PRUNE2: variants seen among roughly 807,000 people sequenced by gnomAD.
The protein encoded by PRUNE2 is prune homolog 2 with BCH domain, also known as protein prune homolog 2.
Under a neutral mutation model 252.0 loss-of-function variants are expected in PRUNE2, and 164 were observed. The observed-to-expected ratio is 0.65, with a 90% CI of 0.57 to 0.74. PRUNE2 has a LOEUF of 0.74. Ranked by LOEUF, PRUNE2 falls within the 30% of genes least tolerant of loss-of-function variation. The pLI, the probability that PRUNE2 is intolerant of heterozygous loss-of-function variation, is 0.00. For missense variants in PRUNE2, 3,495 were observed against 3,711.0 expected, an observed-to-expected ratio of 0.94 and a Z score of 1.51; for synonymous variants, 1,292 against 1,350.2, an observed-to-expected ratio of 0.96 and a Z score of 0.94.
chr9:76,709,339 C>A lies in PRUNE2; in HGVS notation c.2935G>T (p.Ala979Ser). Residue 979 changes from alanine (A) to serine (S), a missense_variant, in exon 8 of 19, where the codon GCT becomes TCT. By Grantham distance (99) the Ala-to-Ser change is moderately conservative (BLOSUM62 1). Transcript: ENST00000376718. ...TSDSYTSPTF[A>S]GDEKETEHKP... The stretch of plus-strand genomic sequence containing the variant: ...TGTTCAGTTTCCTTTTCGTCTCCAG[C>A]AAATGTTGGTGATGTGTAAGAGTCT... 6 of 1,613,932 alleles carry A rather than the reference C, an allele frequency of 3.7e-6. No individual in the cohort carries two copies. Among genetic ancestry groups the A allele is most frequent in the South Asian group, 1.1e-5 (1 of 91,076 alleles).
rs781211705 is a variant in PRUNE2, at chr9:76,708,542, C to T, written c.3732G>A (p.Glu1244=). ...LPGSSHITDS[E]QRELPPEIPS... is the part of the protein sequence containing the mutation. ...GGATTTCAGGAGGCAATTCCCTTTG[C>T]TCTGAATCTGTGATATGTGAGGAGC... The change falls in exon 8 of 19, where the codon GAG becomes GAA. Residue 1244 remains glutamate, a synonymous_variant. Coordinates refer to ENST00000376718, the MANE Select transcript of PRUNE2 (RefSeq NM_015225.3). 18 of 1,613,818 alleles carry T rather than the reference C, an allele frequency of 1.1e-5. No individual in the cohort carries two copies. The highest frequency in any genetic ancestry group is 1.7e-6 in the Non-Finnish European group (2 of 1,179,886).
intron 6 of PRUNE2, chr9:76,819,452 C>A (rs1280101567): frequency 6.6e-5 from 10 of 152,170 alleles, no homozygotes; most frequent in African/African-American, 2.4e-4. Context: ...AGGGGACAGG[C>A]ATGGAGCAGA....
chr9:76,627,800 C>A, intron 16 of PRUNE2: 1 of 396,666 alleles, frequency 2.5e-6, no homozygotes, highest in Admixed American at 3.2e-5. Context: ...TTATACTGTG[C>A]ATAAGTAACT....
chr9:76,711,378 T>C lies in PRUNE2; in HGVS notation c.916-20A>G. ...GCAAATCTGTCGGAAGGCACAGGAA[T>C]TTGTGTCAGCACTCAAGCACTGTTG... On this transcript the variant is annotated intron_variant, in intron 7 of 18. Transcript: ENST00000376718. The C allele has an allele frequency of 6.4e-7, 1 of 1,571,052 alleles. No homozygotes were observed. The highest frequency in any genetic ancestry group is 8.7e-7 in the Non-Finnish European group (1 of 1,150,868).
chr9:76,795,228 C>T lies in PRUNE2; in HGVS notation c.756+28404G>A, dbSNP rs1351457859. ...ATACCCTATCAGTATCTCGGGCACA[C>T]ATGTGTCCAAAGAGCAGATCTGCCT... On this transcript the variant is annotated intron_variant, in intron 6 of 18. Coordinates refer to ENST00000376718, the MANE Select transcript of PRUNE2 (RefSeq NM_015225.3). Among the ~76,000 whole-genome samples, 3 of 150,918 alleles carry T rather than the reference C, an allele frequency of 2.0e-5. No homozygotes were observed. In the East Asian group the frequency reaches 5.8e-4, roughly 29 times the overall value.
intron 9 of PRUNE2, among the ~76,000 whole-genome samples, chr9:76,697,083 G>C (rs1182513581): frequency 6.6e-6 from 1 of 152,120 alleles, no homozygotes; most frequent in Admixed American, 6.5e-5. Context: ...CCCTGCTTTC[G>C]AAAGTCATGG....
At chr9:76,853,009 A>G (rs780215741) in intron 2 of PRUNE2, among the ~76,000 whole-genome samples, 1 of 152,198 alleles carries the variant, frequency 6.6e-6, no homozygotes, top group Non-Finnish European at 1.5e-5. Context: ...TGTTCTCTAG[A>G]TAAGTGACAT....
intron 6 of PRUNE2, among the ~76,000 whole-genome samples, chr9:76,814,309 T>C (rs1172024193): frequency 2.0e-5 from 3 of 152,192 alleles, no homozygotes; most frequent in Non-Finnish European, 4.4e-5. Context: ...ACAAGAAGAA[T>C]TGCAGCTTCC....
intron 6 of PRUNE2, among the ~76,000 whole-genome samples, chr9:76,767,217 C>T (rs561058465): frequency 7.1e-4 from 108 of 152,208 alleles, no homozygotes; most frequent in Non-Finnish European, 1.2e-3. Flanking sequence ...TTTGGGAGGC[C>T]GAGGTGGGCA....
rs1421222619 is a variant in PRUNE2, at chr9:76,829,464, T to C, written c.509-2732A>G. On this transcript the variant is annotated intron_variant, in intron 4 of 18. Transcript: ENST00000376718. ...TATCCTAGGACAAGGGTTGGAAAAC[T>C]ACAGTCTGGAGATAAAATCTGGCTA... 2.0e-5 allele frequency among the ~76,000 whole-genome samples: 3 copies of C among 152,198 alleles called. No individual in the cohort carries two copies. The East Asian group carries it at 5.8e-4, about 29-fold the overall frequency.
At chr9:76,831,153 T>A (rs2058653235) in intron 4 of PRUNE2, among the ~76,000 whole-genome samples, 1 of 151,980 alleles carries the variant, frequency 6.6e-6, no homozygotes, top group Non-Finnish European at 1.5e-5. Flanking sequence ...ATGGTCTCGA[T>A]CTCCTGACCT....
intron 1 of PRUNE2, among the ~76,000 whole-genome samples, chr9:76,867,089 T>C (rs934193100): frequency 2.6e-5 from 4 of 152,148 alleles, no homozygotes; most frequent in African/African-American, 9.7e-5. Flanking sequence ...TGGGCAGCTA[T>C]AGCCTAGGCT....
At chr9:76,891,351 G>A (rs1184111460) in intron 1 of PRUNE2, among the ~76,000 whole-genome samples, 1 of 152,188 alleles carries the variant, frequency 6.6e-6, no homozygotes, top group Non-Finnish European at 1.5e-5. Context: ...GACTATAAGT[G>A]ACATCCAGTC....
At chr9:76,674,371 G>A (rs1191729753) in intron 9 of PRUNE2, among the ~76,000 whole-genome samples, 3 of 152,170 alleles carry the variant, frequency 2.0e-5, no homozygotes, top group African/African-American at 4.8e-5. Flanking sequence ...CCTCTTCAAG[G>A]AGAACTACAC....
At chr9:76,826,496 T>C (rs944242906) in intron 5 of PRUNE2, 84 bp downstream of exon 5, 5 of 994,524 alleles carry the variant, frequency 5.0e-6, no homozygotes, top group Non-Finnish European at 5.8e-6. Context: ...GAAACAAATA[T>C]ACCTTCTCAG....
intron 6 of PRUNE2, among the ~76,000 whole-genome samples, chr9:76,721,911 G>A (rs1435659369): frequency 6.6e-6 from 1 of 152,164 alleles, no homozygotes; most frequent in East Asian, 1.9e-4. Context: ...CAATAATAAA[G>A]TCTGATAATT....
intron 1 of PRUNE2, among the ~76,000 whole-genome samples, chr9:76,889,152 G>A (rs11145117): frequency 0.11 from 16,981 of 151,954 alleles, 1,206 homozygotes; most frequent in East Asian, 0.25. Flanking sequence ...GTGCCCGGTC[G>A]TTTTAACGTA....
At chr9:76,874,614 C>T (rs184062994) in intron 1 of PRUNE2, among the ~76,000 whole-genome samples, 6 of 152,254 alleles carry the variant, frequency 3.9e-5, no homozygotes, top group East Asian at 1.9e-4. Context: ...TCCCATCGCT[C>T]GAGCTTCATT....
intron 17 of PRUNE2, among the ~76,000 whole-genome samples, chr9:76,620,922 G>A (rs970604816): frequency 2.6e-5 from 4 of 152,250 alleles, no homozygotes; most frequent in African/African-American, 9.6e-5. Flanking sequence ...AAATAAGAAT[G>A]GTTCTAGGTA....
Sources: gnomAD v4.1 joint callset for allele counts (sites outside exome capture counted in the v4.1 genomes callset) on GRCh38, gnomAD v4.1.1 for gene constraint, MANE v1.5 for transcripts, NCBI Gene and HGNC (gene_info 2026-07-23, HGNC 2026-07-21) for gene names.